EEIG2: variants seen among roughly 807,000 people sequenced by gnomAD.
EEIG2 encodes EEIG family member 2.
At chr1:108,609,943 C>T in the EEIG2 span, among the ~76,000 whole-genome samples, 1 of 152,190 alleles carries the variant, frequency 6.6e-6, no homozygotes, top group Non-Finnish European at 1.5e-5. Context: ...GGAAAAATAG[C>T]TGTTGCATGC....
At chr1:108,624,602 T>G in the EEIG2 span, 1 of 1,569,834 alleles carries the variant, frequency 6.4e-7, no homozygotes. Context: ...TTGTAAACTT[T>G]GAGGCTCCCC....
At chr1:108,606,134 T>A in the EEIG2 span, 1 of 806,640 alleles carries the variant, frequency 1.2e-6, no homozygotes, top group Non-Finnish European at 1.9e-6. Flanking sequence ...TGCCAGCATA[T>A]ATATGTCTGC....
chr1:108,598,265 C>T, the EEIG2 span, among the ~76,000 whole-genome samples: 2 of 137,194 alleles, frequency 1.5e-5, no homozygotes. Context: ...GCCCAGGAGG[C>T]GGAGGTTGCA....
the EEIG2 span, chr1:108,612,324 GA>G: frequency 6.9e-7 from 1 of 1,447,366 alleles, no homozygotes; most frequent in Non-Finnish European, 9.6e-7. Context: ...TACTTGTCAA[GA>G]ATAAAATTAT....
At chr1:108,629,557 A>G in the EEIG2 span, 5 of 1,432,462 alleles carry the variant, frequency 3.5e-6, no homozygotes, top group East Asian at 1.1e-4. Context: ...ATAATTGTAC[A>G]TGTAACAAAC....
chr1:108,628,653 G>C, the EEIG2 span: 1 of 1,590,336 alleles, frequency 6.3e-7, no homozygotes, highest in African/African-American at 1.4e-5. Context: ...TAATAAAAAG[G>C]AAAAAATGTA....
the EEIG2 span, among the ~76,000 whole-genome samples, chr1:108,598,053 C>T: frequency 2.6e-5 from 4 of 152,078 alleles, no homozygotes; most frequent in African/African-American, 4.8e-5. Context: ...AATTCTAGGC[C>T]GGACACCGTG....
At chr1:108,618,943 C>G in the EEIG2 span, among the ~76,000 whole-genome samples, 2 of 151,918 alleles carry the variant, frequency 1.3e-5, no homozygotes, top group East Asian at 3.9e-4. Context: ...CCTTTATTTT[C>G]TGCTTTCTTG....
chr1:108,637,485 T>C, the EEIG2 span: 2 of 152,064 alleles, frequency 1.3e-5, no homozygotes, highest in African/African-American at 4.8e-5. Context: ...CATATAGCTG[T>C]TGAAAAAATC....
chr1:108,636,532 AAT>A, the EEIG2 span: 1 of 152,184 alleles, frequency 6.6e-6, no homozygotes. Flanking sequence ...TTGAATAGTT[AAT>A]ATTAGAACTT....
At chr1:108,616,519 TA>T in the EEIG2 span, 1 of 836,802 alleles carries the variant, frequency 1.2e-6, no homozygotes, top group Non-Finnish European at 1.9e-6. Context: ...TTGTAGTGCT[TA>T]TAAGAAAATA....
At chr1:108,603,123 G>C in the EEIG2 span, among the ~76,000 whole-genome samples, 6 of 152,196 alleles carry the variant, frequency 3.9e-5, no homozygotes, top group Non-Finnish European at 4.4e-5. Context: ...GGCATTGGAA[G>C]CTAGTGAGGT....
chr1:108,580,910 A>G, the EEIG2 span, among the ~76,000 whole-genome samples: 1 of 152,194 alleles, frequency 6.6e-6, no homozygotes, highest in East Asian at 1.9e-4. Flanking sequence ...GGCTATGCTA[A>G]ACAACAGATT....
chr1:108,604,658 AC>A, the EEIG2 span, among the ~76,000 whole-genome samples: 1 of 152,144 alleles, frequency 6.6e-6, no homozygotes, highest in Non-Finnish European at 1.5e-5. Context: ...TGTGTCACCT[AC>A]TACTGAGATG....
chr1:108,570,956 C>T, the EEIG2 span, among the ~76,000 whole-genome samples: 248 of 152,164 alleles, frequency 1.6e-3, 10 homozygotes, highest in South Asian at 0.045. Context: ...GGGATATTAA[C>T]GCTTGGGATT....
chr1:108,603,028 T>C, the EEIG2 span, among the ~76,000 whole-genome samples: 1 of 152,198 alleles, frequency 6.6e-6, no homozygotes, highest in African/African-American at 2.4e-5. Context: ...ACTTCTGATA[T>C]TAATGGACTA....
At chr1:108,599,618 AC>A in the EEIG2 span, among the ~76,000 whole-genome samples, 6 of 152,168 alleles carry the variant, frequency 3.9e-5, no homozygotes, top group Admixed American at 3.3e-4. Flanking sequence ...TTAGATTTAA[AC>A]AGGCCTAGTT....
the EEIG2 span, among the ~76,000 whole-genome samples, chr1:108,633,383 C>T: frequency 6.6e-6 from 1 of 152,148 alleles, no homozygotes; most frequent in African/African-American, 2.4e-5. Flanking sequence ...CCAATTCCTG[C>T]ACTCAAGCGA....
At chr1:108,564,151 T>G in the EEIG2 span, among the ~76,000 whole-genome samples, 4 of 152,228 alleles carry the variant, frequency 2.6e-5, no homozygotes, top group African/African-American at 9.7e-5. Context: ...TGCTTTCTAC[T>G]GCTCATAGGG....
Sources: allele counts gnomAD v4.1 joint callset (sites outside exome capture counted in the v4.1 genomes callset), GRCh38; gene constraint gnomAD v4.1.1; transcripts MANE v1.5; gene names NCBI Gene and HGNC (gene_info 2026-07-23, HGNC 2026-07-21).